Variants in LRRC34 observed in about 807,000 individuals in gnomAD.
LRRC34 encodes leucine rich repeat containing 34.
In LRRC34, 44 loss-of-function variants were observed where a neutral mutation model predicts 48.5. The observed-to-expected ratio is 0.91, with a 90% CI of 0.71 to 1.17. LRRC34 has a LOEUF of 1.17. Ranked by LOEUF, LRRC34 falls within the 50% of genes most tolerant of loss-of-function variation. LRRC34 has a pLI of 0.00. For synonymous variants in LRRC34, 192 were observed against 197.6 expected (o/e 0.97, Z 0.24); for missense variants, 502 against 563.0 (o/e 0.89, Z 1.10).
intron 6 of LRRC34, 43 bp downstream of exon 6, chr3:169,804,010 T>G: frequency 6.7e-7 from 1 of 1,492,944 alleles, no homozygotes; most frequent in South Asian, 1.4e-5. Flanking sequence ...TGTTCTCTAA[T>G]GACCCACTAT....
chr3:169,796,373 G>A lies in LRRC34; in HGVS notation c.909-4C>T. On this transcript the variant is annotated splice_polypyrimidine_tract_variant and splice_region_variant and intron_variant, in intron 8 of 10. Coordinates refer to ENST00000446859, the MANE Select transcript of LRRC34 (RefSeq NM_001172779.2). ...TCCATCATGAGTTATTTTGTTGCTG[G>A]CAAAGGAAAAATAGTTATATTTGAA... 1 of 1,594,020 alleles carries A rather than the reference G, an allele frequency of 6.3e-7. No individual in the cohort carries two copies. The highest frequency in any genetic ancestry group is 8.5e-7 in the Non-Finnish European group (1 of 1,174,798).
chr3:169,808,519 T>C (rs371199091), intron 2 of LRRC34, 109 bp downstream of exon 2: 17 of 653,124 alleles, frequency 2.6e-5, no homozygotes, highest in South Asian at 1.3e-4. Context: ...GTATGTTCAT[T>C]TTACCAAGCA....
At chr3:169,796,435 G>A (rs192704729) in intron 8 of LRRC34, 66 bp from the exon 9 acceptor site, 5 of 1,513,960 alleles carry the variant, frequency 3.3e-6, no homozygotes, top group East Asian at 4.7e-5. Context: ...GTGATAAGAT[G>A]CTTGAAAACT....
chr3:169,804,148 C>G lies in LRRC34; in HGVS notation c.562G>C (p.Gly188Arg). The G allele has an allele frequency of 3.7e-6, 6 of 1,603,002 alleles. No individual in the cohort carries two copies. Among genetic ancestry groups the G allele is most frequent in the Non-Finnish European group, 5.1e-6 (6 of 1,174,402 alleles). Residue 188 changes from glycine to arginine, a missense_variant, in exon 6 of 11, where the codon GGA becomes CGA. By Grantham distance (125) the Gly-to-Arg change is moderately radical (BLOSUM62 -2). Coordinates refer to ENST00000446859, the MANE Select transcript of LRRC34 (RefSeq NM_001172779.2). ...CCACCTTTATTTTCAATTTTGTTTC[C>G]AGTCATTCTTAGGTATTTCAGAGTC... ...NRTLKYLRMTGNKIENKGGMF... is the reference protein window; with the variant it reads ...NRTLKYLRMTRNKIENKGGMF...
At chr3:169,800,843 G>T in intron 6 of LRRC34, 89 bp from the exon 7 acceptor site, 1 of 817,612 alleles carries the variant, frequency 1.2e-6, no homozygotes, top group Non-Finnish European at 1.9e-6. Flanking sequence ...TCTGCATTCT[G>T]ATAAAATTGT....
chr3:169,800,058 T>C (rs1245776706), intron 7 of LRRC34, among the ~76,000 whole-genome samples: 3 of 152,216 alleles, frequency 2.0e-5, no homozygotes, highest in Non-Finnish European at 4.4e-5. Flanking sequence ...GCTTTGACCA[T>C]TTACTTTTCC....
Position 169,796,793 on chromosome 3 carries a change from C to G in LRRC34, c.860G>C (p.Cys287Ser). The stretch of plus-strand genomic sequence containing the variant: ...GCTACTGTTCAGATACAGTGCATCA[C>G]ATAACTGTTGTATACCACTGTTTTT... ...DIKNSGIQQLCDALYLNSSLR... is the reference protein window; with the variant it reads ...DIKNSGIQQLSDALYLNSSLR... Residue 287 changes from cysteine (C) to serine (S), a missense_variant, in exon 8 of 11, where the codon TGT (cysteine) becomes TCT (serine). Physicochemically the swap from Cys to Ser is moderately radical, Grantham distance 112. Transcript: ENST00000446859. 1 of 1,611,382 alleles carries G rather than the reference C, an allele frequency of 6.2e-7. No individual in the cohort carries two copies. Among genetic ancestry groups the G allele is most frequent in the East Asian group, 2.2e-5 (1 of 44,708 alleles).
chr3:169,807,011 A>G, intron 4 of LRRC34, 80 bp from the exon 5 acceptor site: 5 of 662,606 alleles, frequency 7.5e-6, no homozygotes, highest in African/African-American at 1.9e-5. Context: ...ACATATACAC[A>G]TACAGTATAT....
rs759002910 is a variant in LRRC34, at chr3:169,795,484, C to G, written c.1191+1G>C. On this transcript the variant is annotated splice_donor_variant, in intron 10 of 10. Coordinates refer to ENST00000446859, the MANE Select transcript of LRRC34 (RefSeq NM_001172779.2). LOFTEE classifies it high-confidence loss of function. ...AGTGAAGGAAAAAACTTAAAACTTACTATACACGTAGCCTCATCAAATTTG... is the reference window on the plus strand; with the variant it reads ...AGTGAAGGAAAAAACTTAAAACTTAGTATACACGTAGCCTCATCAAATTTG... 1.3e-6 allele frequency: 2 copies of G among 1,599,670 alleles called. No homozygotes were observed. The highest frequency in any genetic ancestry group is 1.1e-5 in the South Asian group (1 of 89,142).
chr3:169,810,834 G>GC (rs1336682730), intron 1 of LRRC34, among the ~76,000 whole-genome samples: 1 of 152,240 alleles, frequency 6.6e-6, no homozygotes, highest in Non-Finnish European at 1.5e-5. Context: ...GGAGGCCGAG[G>GC]CGAGCGGATC....
In LRRC34 at chr3:169,812,290, C is replaced by G. The variant is rs937928711; in HGVS notation, c.139+120G>C. The G allele has an allele frequency of 3.8e-6, 5 of 1,312,966 alleles. No individual in the cohort carries two copies. In the African/African-American group the frequency reaches 7.8e-5, roughly 21 times the overall value. The allele number at this position is 1,312,966 out of a possible 1,614,324, so 81.3% of individuals were successfully genotyped here. On this transcript the variant is annotated intron_variant, in intron 1 of 10. Coordinates refer to ENST00000446859, the MANE Select transcript of LRRC34 (RefSeq NM_001172779.2). This position sits in a 1 kb window ranked among gnomAD's most constrained non-coding sequence, Gnocchi z 4.3. ...CCACAGCTGGGGTTCCCAGGGGCCCCCCTCCCGCCTCGACGCCTTGGGCTG... is the reference window on the plus strand; with the variant it reads ...CCACAGCTGGGGTTCCCAGGGGCCCGCCTCCCGCCTCGACGCCTTGGGCTG...
At chr3:169,796,072 A>G (rs1778975512) in intron 9 of LRRC34, 142 bp downstream of exon 9, 1 of 1,318,412 alleles carries the variant, frequency 7.6e-7, no homozygotes, top group South Asian at 2.2e-5. Flanking sequence ...AGAAATGTAA[A>G]TGTTTACTGT....
At position 169,793,808 on chromosome 3, in the gene LRRC34, G is replaced by A. The variant is rs1348137769; in HGVS notation, c.1222C>T (p.Leu408=). ...AYSDLIQMGC[L]KPDNTDVEPF... ...TCCACATCTGTATTGTCTGGTTTTA[G>A]ACAACCCATTTGAATTAAGTCTGAA... The change falls in exon 11 of 11, where the codon CTA becomes TTA. Residue 408 remains leucine (L), a synonymous_variant. Transcript: ENST00000446859. 1 of 1,612,622 alleles carries A rather than the reference G, an allele frequency of 6.2e-7. No homozygotes were observed. Among genetic ancestry groups the A allele is most frequent in the Non-Finnish European group, 8.5e-7 (1 of 1,179,554 alleles).
At chr3:169,805,508 A>G (rs1779339733) in intron 5 of LRRC34, among the ~76,000 whole-genome samples, 1 of 152,120 alleles carries the variant, frequency 6.6e-6, no homozygotes, top group Non-Finnish European at 1.5e-5. Flanking sequence ...AATAAATGAA[A>G]CATCTTATGT....
At position 169,807,675 on chromosome 3, in the gene LRRC34, T is replaced by C; in HGVS notation, c.292A>G (p.Asn98Asp). The C allele has an allele frequency of 6.3e-7, 1 of 1,592,580 alleles. No individual in the cohort carries two copies. Among genetic ancestry groups the C allele is most frequent in the Non-Finnish European group, 8.5e-7 (1 of 1,175,846 alleles). ...AAGITLNIAG[N>D]NRLVPVERVT... is the part of the protein sequence containing the mutation. ...CTTTCTACTGGCACTAAGCGATTGT[T>C]ACCAGCAATGTTTAATGTGATTCCT... Residue 98 changes from asparagine (N) to aspartate (D), a missense_variant, in exon 3 of 11, where the codon AAC (asparagine) becomes GAC (aspartate). Asn to Asp is a conservative substitution (Grantham distance 23). Coordinates refer to ENST00000446859, the MANE Select transcript of LRRC34 (RefSeq NM_001172779.2).
chr3:169,800,523 A>G (rs968592851), intron 7 of LRRC34, 136 bp downstream of exon 7: 3 of 467,434 alleles, frequency 6.4e-6, no homozygotes, highest in African/African-American at 5.9e-5. Flanking sequence ...AAACATTTTT[A>G]TAAATAGTAG....
chr3:169,801,589 C>T (rs1310068472), intron 6 of LRRC34, among the ~76,000 whole-genome samples: 1 of 152,158 alleles, frequency 6.6e-6, no homozygotes, highest in Non-Finnish European at 1.5e-5. Flanking sequence ...ATACAACCCC[C>T]ACTTCTTCCC....
Position 169,812,420 on chromosome 3 carries a change from C to T in LRRC34, c.129G>A (p.Ala43=), listed in dbSNP as rs944598998. The change falls in exon 1 of 11, where the codon GCG becomes GCA. Residue 43 remains alanine (A), a synonymous_variant. Coordinates refer to ENST00000446859, the MANE Select transcript of LRRC34 (RefSeq NM_001172779.2). The surrounding 1 kb of genome is among the most constrained non-coding windows in gnomAD (Gnocchi z 4.3). The stretch of plus-strand genomic sequence containing the variant: ...CTCCCTACTTCTTACCGCGCTGGAC[C>T]GCCAGGGCCGCGCCCGGAGTACTGG... ...TQASTPGAAL[A]VQRESPESGL... 1.3e-6 allele frequency: 2 copies of T among 1,528,260 alleles called. No homozygotes were observed. The highest frequency in any genetic ancestry group is 1.2e-5 in the South Asian group (1 of 83,720). The allele number at this position is 1,528,260 out of a possible 1,614,324, so 94.7% of individuals were successfully genotyped here.
At chr3:169,795,717 G>A in intron 9 of LRRC34, 106 bp from the exon 10 acceptor site, 2 of 1,421,546 alleles carry the variant, frequency 1.4e-6, no homozygotes, top group Non-Finnish European at 1.8e-6. Context: ...TTGTAATGTA[G>A]TGGTAAAAAT....
Sources: gnomAD v4.1 joint callset for allele counts (sites outside exome capture counted in the v4.1 genomes callset) on GRCh38, gnomAD v4.1.1 for gene constraint, Gnocchi (gnomAD v3.1) non-coding constraint, MANE v1.5 for transcripts, NCBI Gene and HGNC (gene_info 2026-07-23, HGNC 2026-07-21) for gene names.